The following DMD variants were observed in gnomAD, a reference collection of about 807,000 sequenced individuals.
The protein encoded by DMD is mutant dystrophin.
A neutral mutation model predicts 330.1 loss-of-function variants in DMD; 63 were observed. The ratio of observed to expected loss-of-function variants is 0.19; its 90% confidence interval spans 0.16 to 0.24. The LOEUF (loss-of-function observed/expected upper bound fraction) is 0.24, where lower values mean the gene tolerates loss of function less well. Ranked by LOEUF, DMD falls within the 10% of genes least tolerant of loss-of-function variation. The probability of loss-of-function intolerance (pLI) is 1.00; values close to 1 mark genes in which losing one functional copy is unlikely to be tolerated. For synonymous variants in DMD, 1,223 were observed against 959.8 expected (o/e 1.27, Z -5.07); for missense variants, 3,344 against 2,684.1 (o/e 1.25, Z -5.43).
intron 60 of DMD, among the ~76,000 whole-genome samples, chrX:31,353,518 G>A (rs777782807): frequency 1.8e-5 from 2 of 112,086 alleles, no homozygotes; most frequent in East Asian, 2.8e-4. Flanking sequence ...ATTTTGAAAG[G>A]AGGAAGAACT....
At chrX:32,173,473 A>T (rs1172473871) in intron 44 of DMD, among the ~76,000 whole-genome samples, 1 of 110,440 alleles carries the variant, frequency 9.1e-6, no homozygotes, top group Non-Finnish European at 1.9e-5. Flanking sequence ...CCCAGGTTCA[A>T]GTGATTCTCC....
At chrX:32,335,844 A>G (rs904532643) in intron 41 of DMD, among the ~76,000 whole-genome samples, 1 of 106,214 alleles carries the variant, frequency 9.4e-6, no homozygotes, top group Non-Finnish European at 1.9e-5. Context: ...ACGTGCATAT[A>G]TAACATGTTA....
intron 60 of DMD, among the ~76,000 whole-genome samples, chrX:31,360,303 A>G (rs969321350): frequency 1.8e-5 from 2 of 111,873 alleles, no homozygotes; most frequent in African/African-American, 6.5e-5. Context: ...GAAAAACAAA[A>G]AAAGTTATTT....
intron 55 of DMD, among the ~76,000 whole-genome samples, chrX:31,522,601 A>G (rs1257120832): frequency 7.4e-5 from 8 of 108,629 alleles, no homozygotes; most frequent in African/African-American, 2.7e-4. Context: ...AAAAAGGGAG[A>G]TATTTTTGAG....
intron 45 of DMD, among the ~76,000 whole-genome samples, chrX:31,934,892 T>C (rs938235923): frequency 3.6e-5 from 4 of 112,377 alleles, no homozygotes; most frequent in Admixed American, 9.4e-5. Flanking sequence ...TTTCTTCGTT[T>C]TATGAATTTT....
In DMD at chrX:31,507,339, G is replaced by A. The variant is rs368974772; in HGVS notation, c.8332C>T (p.Arg2778Cys). The change falls in exon 56 of 79, where the codon CGT (arginine) becomes TGT (cysteine). Residue 2778 changes from arginine (R) to cysteine (C), a missense_variant. Arg to Cys is a radical substitution (Grantham distance 180). Transcript: ENST00000357033. ...CACTTGAAGTTCATGTTATCCAAAC[G>A]TCTTTGTAACAGGACTGCATCATCG... ...GSDDAVLLQR[R>C]LDNMNFKWSE... The A allele has an allele frequency of 8.3e-7, 1 of 1,211,365 alleles. No individual in the cohort carries two copies. The highest frequency in any genetic ancestry group is 1.1e-6 in the Non-Finnish European group (1 of 895,277).
chrX:31,204,207 A>G lies in DMD; in HGVS notation c.9650-89T>C, dbSNP rs1212441459. 4 of 831,362 alleles carry G rather than the reference A, an allele frequency of 4.8e-6. No homozygotes were observed. The East Asian group carries it at 1.3e-4, about 27-fold the overall frequency. The allele number at this position is 831,362 out of a possible 1,213,427, so 68.5% of individuals were successfully genotyped here. On this transcript the variant is annotated intron_variant, in intron 66 of 78. Transcript: ENST00000357033. ...GACATCCAACTCAATTCCAGTAGCA[A>G]TTCTCAAGAGTAGCCAGTATTTCCA...
chrX:31,671,715 TTTAC>T (rs1372547172), intron 53 of DMD, among the ~76,000 whole-genome samples: 3 of 112,080 alleles, frequency 2.7e-5, no homozygotes, highest in Non-Finnish European at 1.9e-5. Context: ...AATATCCTCT[TTTAC>T]TTCTTTTTAT....
chrX:31,614,822 A>G (rs190521474), intron 55 of DMD, among the ~76,000 whole-genome samples: 34 of 112,296 alleles, frequency 3.0e-4, no homozygotes, highest in Non-Finnish European at 1.9e-5. Context: ...GTAAACTGCA[A>G]AAGGACCTCA....
intron 15 of DMD, 132 bp from the exon 16 acceptor site, chrX:32,566,013 C>A: frequency 1.8e-6 from 1 of 566,318 alleles, no homozygotes; most frequent in Non-Finnish European, 2.8e-6. Context: ...CGCAAAGGAT[C>A]AAAAGTTCAG....
intron 59 of DMD, among the ~76,000 whole-genome samples, chrX:31,471,452 G>A (rs2067297132): frequency 1.8e-5 from 2 of 111,771 alleles, no homozygotes; most frequent in Admixed American, 1.9e-4. Context: ...ATCCCACCGT[G>A]CTTCTGCGCC....
At chrX:31,172,483 C>T in intron 72 of DMD, 70 bp from the exon 73 acceptor site, 2 of 794,848 alleles carry the variant, frequency 2.5e-6, no homozygotes, top group Non-Finnish European at 3.8e-6. Flanking sequence ...CCTAATCGAA[C>T]ATTCCTGAAA....
At chrX:32,310,951 C>G (rs1450850056) in intron 41 of DMD, among the ~76,000 whole-genome samples, 1 of 111,018 alleles carries the variant, frequency 9.0e-6, no homozygotes, top group Non-Finnish European at 1.9e-5. Flanking sequence ...GCACTAGCCT[C>G]TTCTCTTGCA....
At chrX:32,219,409 G>C (rs2097124708) in intron 43 of DMD, among the ~76,000 whole-genome samples, 1 of 112,076 alleles carries the variant, frequency 8.9e-6, no homozygotes, top group Non-Finnish European at 1.9e-5. Context: ...ATGCAACATA[G>C]TTAGCATTGT....
Position 32,484,050 on chromosome X carries a change from C to T in DMD, c.2803+869G>A, listed in dbSNP as rs1038763726. 2.7e-5 allele frequency among the ~76,000 whole-genome samples: 3 copies of T among 110,812 alleles called. No homozygotes were observed. The Admixed American group carries it at 2.9e-4, about 11-fold the overall frequency. ...TAGTAAACAAACACATGTTCCTGTG[C>T]TTCTCATGACAAATTTGGGACAGAG... On this transcript the variant is annotated intron_variant, in intron 21 of 78. Coordinates refer to ENST00000357033, the MANE Select transcript of DMD (RefSeq NM_004006.3).
chrX:31,498,741 G>A (rs1384893634), intron 56 of DMD, among the ~76,000 whole-genome samples: 1 of 111,743 alleles, frequency 8.9e-6, no homozygotes, highest in East Asian at 2.8e-4. Context: ...TAAACAATAT[G>A]TCCAGGAAAA....
intron 60 of DMD, among the ~76,000 whole-genome samples, chrX:31,393,630 T>C (rs771411558): frequency 9.0e-6 from 1 of 111,387 alleles, no homozygotes; most frequent in Non-Finnish European, 1.9e-5. Context: ...ATACCAACTA[T>C]ACACCAGGTG....
intron 1 of DMD, among the ~76,000 whole-genome samples, chrX:33,322,048 A>T (rs930176002): frequency 8.9e-6 from 1 of 111,868 alleles, no homozygotes; most frequent in African/African-American, 3.2e-5. Context: ...TGTCTAGACC[A>T]TTTAAATTTT....
chrX:33,119,703 C>A (rs890513640), intron 1 of DMD, among the ~76,000 whole-genome samples: 3 of 111,868 alleles, frequency 2.7e-5, no homozygotes, highest in African/African-American at 9.8e-5. Flanking sequence ...ATTGACACAA[C>A]CTGGTTTATG....
Sources: gnomAD v4.1 joint callset for allele counts (sites outside exome capture counted in the v4.1 genomes callset) on GRCh38, gnomAD v4.1.1 for gene constraint, MANE v1.5 for transcripts, NCBI Gene and HGNC (gene_info 2026-07-23, HGNC 2026-07-21) for gene names.